Variants in CHRDL1 observed in about 807,000 individuals in gnomAD.
The protein encoded by CHRDL1 is chordin-like protein 1.
In CHRDL1, 19 loss-of-function variants were observed where a neutral mutation model predicts 40.9. The observed-to-expected ratio is 0.46, with a 90% confidence interval of 0.32 to 0.68. The LOEUF (loss-of-function observed/expected upper bound fraction) is 0.68. CHRDL1 is among the 30% of genes least tolerant of loss of function. The probability of loss-of-function intolerance (pLI) is 0.03; values close to 1 mark genes in which losing one functional copy is unlikely to be tolerated. For missense variants in CHRDL1, 329 were observed against 352.1 expected (o/e 0.93, Z 0.53); for synonymous variants, 136 against 123.4 (o/e 1.10, Z -0.68).
At chrX:110,763,524 A>G (rs2148510478) in intron 2 of CHRDL1, among the ~76,000 whole-genome samples, 1 of 105,987 alleles carries the variant, frequency 9.4e-6, no homozygotes, top group South Asian at 4.1e-4. Context: ...ACACATATAT[A>G]TAATCAATAG....
chrX:110,689,868 T>C (rs1165601140), intron 8 of CHRDL1, among the ~76,000 whole-genome samples: 2 of 83,475 alleles, frequency 2.4e-5, no homozygotes, highest in Admixed American at 1.6e-4. Flanking sequence ...TATCTATATA[T>C]CTATATATAT....
chrX:110,771,959 T>C (rs1303996167), intron 2 of CHRDL1, among the ~76,000 whole-genome samples: 1 of 112,018 alleles, frequency 8.9e-6, no homozygotes, highest in Admixed American at 9.5e-5. Flanking sequence ...ATCATATTTA[T>C]ATATTTTATA....
intron 7 of CHRDL1, among the ~76,000 whole-genome samples, chrX:110,698,603 T>C (rs1015218810): frequency 3.6e-5 from 4 of 112,118 alleles, no homozygotes; most frequent in African/African-American, 1.3e-4. Flanking sequence ...TCAATAACTA[T>C]TTCAAGGGCC....
chrX:110,700,615 G>A, intron 7 of CHRDL1, 39 bp downstream of exon 7: 2 of 931,319 alleles, frequency 2.1e-6, no homozygotes, highest in Non-Finnish European at 3.1e-6. Context: ...TTGGCCTGAT[G>A]CTGTGGAGTG....
At position 110,722,570 on chromosome X, in the gene CHRDL1, T is replaced by C. The variant is rs149866912; in HGVS notation, c.302-1040A>G. ...ATTATTGAAACTCATATTTGTGAAT[T>C]ATAGTAACCCAGCAGACCATTTACA... On this transcript the variant is annotated intron_variant, in intron 4 of 11. Coordinates refer to ENST00000372042, the MANE Select transcript of CHRDL1 (RefSeq NM_001143981.2). 6.5e-3 allele frequency among the ~76,000 whole-genome samples: 734 copies of C among 112,301 alleles called. 7 individuals carry two copies. The highest frequency in any genetic ancestry group is 0.022 in the African/African-American group (690 of 30,855).
At position 110,674,644 on chromosome X, in the gene CHRDL1, C is replaced by T. The variant is rs2069738862; in HGVS notation, c.*1587G>A. 1 of 112,326 alleles carries T rather than the reference C, an allele frequency of 8.9e-6. No individual in the cohort carries two copies. The highest frequency in any genetic ancestry group is 3.2e-5 in the African/African-American group (1 of 30,931). The allele number at this position is 112,326 out of a possible 1,213,427, so 9.3% of individuals were successfully genotyped here. On this transcript the variant is annotated 3_prime_UTR_variant, in exon 12 of 12. Transcript: ENST00000372042. ...TGTGTCTCTTTCATAAGAATTGACT[C>T]CTTTATGCCAGGTTGTCATAAAGAC...
chrX:110,758,133 A>C (rs757348423), intron 4 of CHRDL1, among the ~76,000 whole-genome samples: 12 of 104,933 alleles, frequency 1.1e-4, no homozygotes, highest in South Asian at 3.9e-4. Flanking sequence ...AAAAAAACAA[A>C]AAAAAAAAAA....
chrX:110,721,739 G>A (rs896489298), intron 4 of CHRDL1, among the ~76,000 whole-genome samples: 8 of 110,985 alleles, frequency 7.2e-5, no homozygotes, highest in Non-Finnish European at 1.3e-4. Context: ...CCATCCATCC[G>A]TCCATCCATC....
chrX:110,748,136 G>T (rs1280119725), intron 4 of CHRDL1, among the ~76,000 whole-genome samples: 1 of 111,698 alleles, frequency 9.0e-6, no homozygotes. Flanking sequence ...CTTGGTGAAG[G>T]CCCCTGTCTT....
chrX:110,744,632 G>A (rs998718193), intron 4 of CHRDL1, among the ~76,000 whole-genome samples: 2 of 111,364 alleles, frequency 1.8e-5, no homozygotes, highest in African/African-American at 3.3e-5. Flanking sequence ...TTGGGAACAT[G>A]TACATTCTGA....
At chrX:110,767,267 CTG>C (rs1230683678) in intron 2 of CHRDL1, among the ~76,000 whole-genome samples, 1 of 111,216 alleles carries the variant, frequency 9.0e-6, no homozygotes, top group East Asian at 2.8e-4. Flanking sequence ...AGCATTCCCT[CTG>C]AGAACTGGAG....
chrX:110,765,271 A>T (rs759793019), intron 2 of CHRDL1, among the ~76,000 whole-genome samples: 32 of 111,576 alleles, frequency 2.9e-4, no homozygotes, highest in Non-Finnish European at 5.8e-4. Context: ...CCAGCGGCCC[A>T]GCTGTAAAAT....
chrX:110,696,179 G>A (rs1434831539), intron 7 of CHRDL1, among the ~76,000 whole-genome samples: 2 of 111,299 alleles, frequency 1.8e-5, no homozygotes, highest in Non-Finnish European at 3.8e-5. Context: ...AATTAGAGAG[G>A]GAAGGTTGTT....
intron 7 of CHRDL1, among the ~76,000 whole-genome samples, chrX:110,699,346 T>G (rs2070464881): frequency 9.0e-6 from 1 of 111,522 alleles, no homozygotes; most frequent in African/African-American, 3.3e-5. Context: ...TATGAGTCAT[T>G]CTACTGCATC....
chrX:110,704,105 T>A (rs1180869142), intron 6 of CHRDL1, among the ~76,000 whole-genome samples: 6 of 111,245 alleles, frequency 5.4e-5, no homozygotes, highest in African/African-American at 2.0e-4. Context: ...TACTTGTACA[T>A]TTTAAAATAA....
At chrX:110,730,459 C>T (rs1322328599) in intron 4 of CHRDL1, among the ~76,000 whole-genome samples, 2 of 111,415 alleles carry the variant, frequency 1.8e-5, no homozygotes, top group Non-Finnish European at 3.8e-5. Flanking sequence ...TATTGAGCAC[C>T]CCAGACAGGT....
At chrX:110,721,295 A>T in intron 5 of CHRDL1, 90 bp downstream of exon 5, 1 of 873,978 alleles carries the variant, frequency 1.1e-6, no homozygotes, top group Non-Finnish European at 1.7e-6. Context: ...CAAACACCTT[A>T]CAGTGCAGGC....
At chrX:110,696,472 G>C (rs1321826457) in intron 7 of CHRDL1, among the ~76,000 whole-genome samples, 1 of 110,310 alleles carries the variant, frequency 9.1e-6, no homozygotes, top group Non-Finnish European at 1.9e-5. Context: ...AATGAAGATT[G>C]AGTTTTTGGA....
At chrX:110,727,750 G>T (rs1179241049) in intron 4 of CHRDL1, among the ~76,000 whole-genome samples, 1 of 112,217 alleles carries the variant, frequency 8.9e-6, no homozygotes, top group East Asian at 2.8e-4. Context: ...GTGAAGACTT[G>T]ATTAAAACAT....
Sources: allele counts gnomAD v4.1 joint callset (sites outside exome capture counted in the v4.1 genomes callset), GRCh38; gene constraint gnomAD v4.1.1; transcripts MANE v1.5; gene names NCBI Gene and HGNC (gene_info 2026-07-23, HGNC 2026-07-21).